Variants in SFXN5 observed in about 807,000 individuals in gnomAD.
SFXN5 encodes the protein sideroflexin 5.
In SFXN5, 43 loss-of-function variants were observed where a neutral mutation model predicts 50.2. The ratio of observed to expected loss-of-function variants is 0.86; its 90% CI spans 0.67 to 1.11. The LOEUF is 1.11. Ranked by LOEUF, SFXN5 falls within the 50% of genes least tolerant of loss-of-function variation. The pLI, the probability that SFXN5 is intolerant of heterozygous loss-of-function variation, is 0.00. For missense variants in SFXN5, 463 were observed against 454.1 expected, an observed-to-expected ratio of 1.02 and a Z score of -0.18; for synonymous variants, 203 against 185.8, an observed-to-expected ratio of 1.09 and a Z score of -0.75.
chr2:72,977,046 A>C (rs1309572232), intron 10 of SFXN5, among the ~76,000 whole-genome samples: 4 of 152,162 alleles, frequency 2.6e-5, no homozygotes, highest in Non-Finnish European at 4.4e-5. Context: ...ATTCCAGACA[A>C]CCAGGAATGT....
chr2:72,967,127 C>G (rs1674510374), intron 12 of SFXN5: 1 of 152,230 alleles, frequency 6.6e-6, no homozygotes, highest in African/African-American at 2.4e-5. Context: ...CTTTGCCTTC[C>G]TCTCCTCAGC....
At position 72,992,778 on chromosome 2, in the gene SFXN5, G is replaced by A. The variant is rs1226264886; in HGVS notation, c.535-4430C>T. On this transcript the variant is annotated intron_variant, in intron 9 of 13. Coordinates refer to ENST00000272433, the MANE Select transcript of SFXN5 (RefSeq NM_144579.3). This position sits in a 1 kb window ranked among gnomAD's most constrained non-coding sequence, Gnocchi z 4.5. The stretch of plus-strand genomic sequence containing the variant: ...TTTCCACTCTTGCCCCCATCCATCT[G>A]CTCTCTACAGCAGTCGGAGTGAAGT... Among the ~76,000 whole-genome samples the A allele has an allele frequency of 6.6e-6, 1 of 152,220 alleles. No homozygotes were observed. The highest frequency in any genetic ancestry group is 6.5e-5 in the Admixed American group (1 of 15,288).
Position 72,945,128 on chromosome 2 carries a change from G to C in SFXN5, c.946-29C>G, listed in dbSNP as rs762785651. The C allele has an allele frequency of 1.4e-5, 23 of 1,604,012 alleles. No homozygotes were observed. The highest frequency in any genetic ancestry group is 3.3e-5 in the South Asian group (3 of 90,294). On this transcript the variant is annotated intron_variant, in intron 13 of 13. Coordinates refer to ENST00000272433, the MANE Select transcript of SFXN5 (RefSeq NM_144579.3). The surrounding 1 kb of genome is among the most constrained non-coding windows in gnomAD (Gnocchi z 5.8). Reference sequence around the variant, plus strand: ...TGGAGAGAGAACAGAGAGGAAAAGTGGGGGAGTGGGAAGGGGCAAATAGTG... The same window carrying C: ...TGGAGAGAGAACAGAGAGGAAAAGTCGGGGAGTGGGAAGGGGCAAATAGTG...
chr2:73,050,761 A>C (rs1461727952), intron 2 of SFXN5, among the ~76,000 whole-genome samples: 1 of 152,166 alleles, frequency 6.6e-6, no homozygotes, highest in Non-Finnish European at 1.5e-5. Context: ...CTCCTTATCA[A>C]ATGGTCACTT....
At chr2:72,967,995 T>C (rs999839404) in intron 12 of SFXN5, among the ~76,000 whole-genome samples, 1 of 152,134 alleles carries the variant, frequency 6.6e-6, no homozygotes, top group Non-Finnish European at 1.5e-5. Flanking sequence ...TGAGGCTCAG[T>C]AAGGTGGTGA....
intron 2 of SFXN5, among the ~76,000 whole-genome samples, chr2:73,052,847 C>T (rs967970628): frequency 2.0e-5 from 3 of 152,206 alleles, no homozygotes; most frequent in African/African-American, 7.2e-5. Context: ...ATTCTGCACA[C>T]ACTGCACCCT....
intron 13 of SFXN5, among the ~76,000 whole-genome samples, chr2:72,947,837 C>CA (rs963865666): frequency 1.3e-5 from 2 of 150,188 alleles, no homozygotes; most frequent in Non-Finnish European, 3.0e-5. Context: ...CTGCCACCCC[C>CA]AGTCCCCTCC....
chr2:73,059,199 C>A (rs1277100781), intron 1 of SFXN5: 17 of 986,038 alleles, frequency 1.7e-5, no homozygotes, highest in Non-Finnish European at 2.0e-5. Flanking sequence ...AAAAGGAGGG[C>A]TTTATGCTAA....
rs569937691 is a variant in SFXN5, at chr2:72,948,679, G to A, written c.946-3580C>T. Among the ~76,000 whole-genome samples, 97 of 152,284 alleles carry A rather than the reference G, an allele frequency of 6.4e-4. 1 individual carries two copies. The highest frequency in any genetic ancestry group is 1.4e-3 in the South Asian group (7 of 4,828). On this transcript the variant is annotated intron_variant, in intron 13 of 13. Transcript: ENST00000272433. ...CGAGGCCTCCTCCTCCTGGCACCCC[G>A]TCTCCCATGGGCTCCCCGCCACACA... is the stretch of plus-strand genomic sequence containing the variant.
intron 1 of SFXN5, among the ~76,000 whole-genome samples, chr2:73,066,522 C>T (rs904616088): frequency 1.3e-5 from 2 of 151,316 alleles, no homozygotes; most frequent in African/African-American, 4.9e-5. Flanking sequence ...CATGCCACTG[C>T]ACTCCAGCCT....
chr2:73,029,544 G>A (rs1678033020), intron 3 of SFXN5, among the ~76,000 whole-genome samples: 1 of 152,110 alleles, frequency 6.6e-6, no homozygotes, highest in African/African-American at 2.4e-5. Flanking sequence ...GCATCTCAGA[G>A]AGACTAAGTG....
In SFXN5 at chr2:72,953,091, G is replaced by A. The variant is rs1672712524; in HGVS notation, c.946-7992C>T. Among the ~76,000 whole-genome samples the A allele has an allele frequency of 6.6e-6, 1 of 152,194 alleles. No individual in the cohort carries two copies. Among genetic ancestry groups the A allele is most frequent in the Non-Finnish European group, 1.5e-5 (1 of 68,048 alleles). On this transcript the variant is annotated intron_variant, in intron 13 of 13. Coordinates refer to ENST00000272433, the MANE Select transcript of SFXN5 (RefSeq NM_144579.3). The surrounding 1 kb of genome is among the most constrained non-coding windows in gnomAD (Gnocchi z 4.1). ...TGTGTACATGTTCTTGCGTGCACGT[G>A]TATGTGTGCGAGCCTGTGTGCACGC...
chr2:72,986,077 A>C (rs986550676), intron 10 of SFXN5, among the ~76,000 whole-genome samples: 2 of 152,246 alleles, frequency 1.3e-5, no homozygotes, highest in Non-Finnish European at 2.9e-5. Context: ...AATGGCCGGG[A>C]ACACCAGTTG....
intron 3 of SFXN5, among the ~76,000 whole-genome samples, chr2:73,034,572 G>A (rs1008026938): frequency 9.2e-5 from 14 of 152,040 alleles, no homozygotes; most frequent in African/African-American, 3.4e-4. Context: ...TCATTACCCT[G>A]GGTGCAGGGT....
At chr2:73,004,008 A>G (rs1295991560) in intron 6 of SFXN5, among the ~76,000 whole-genome samples, 2 of 152,226 alleles carry the variant, frequency 1.3e-5, no homozygotes, top group Non-Finnish European at 2.9e-5. Context: ...CATAATCCTC[A>G]TACTAACCCT....
rs147089045 is a variant in SFXN5 at position 72,988,989 on chromosome 2, C to T, written c.535-641G>A. On this transcript the variant is annotated intron_variant, in intron 9 of 13. Coordinates refer to ENST00000272433, the MANE Select transcript of SFXN5 (RefSeq NM_144579.3). ...CACCCCAGCCCCTGCCTGGGGTCTT[C>T]GTCACTCCAGTCCATCTCCTAGGCT... Among the ~76,000 whole-genome samples the T allele has an allele frequency of 1.5e-3, 229 of 152,322 alleles. 1 individual carries two copies. Among genetic ancestry groups the T allele is most frequent in the African/African-American group, 5.1e-3 (213 of 41,576 alleles).
intron 6 of SFXN5, among the ~76,000 whole-genome samples, chr2:73,008,911 C>T (rs967879598): frequency 6.6e-6 from 1 of 152,138 alleles, no homozygotes; most frequent in East Asian, 1.9e-4. Context: ...AAAACCAGCT[C>T]GTTTCTCCTG....
rs1682461590 is a variant in SFXN5, at chr2:73,058,707, C to A, written c.103-111G>T. The A allele has an allele frequency of 8.5e-6, 8 of 941,858 alleles. No individual in the cohort carries two copies. In the Admixed American group the frequency reaches 1.3e-4, roughly 15 times the overall value. The allele number at this position is 941,858 out of a possible 1,614,324, so 58.3% of individuals were successfully genotyped here. On this transcript the variant is annotated intron_variant, in intron 1 of 13. Transcript: ENST00000272433. ...TTGGGGTCCCCCGGTCCCCAGGACT[C>A]CTCGTGTGGGTGATAAATGCCAATG...
intron 9 of SFXN5, among the ~76,000 whole-genome samples, chr2:72,995,941 G>A (rs1479306918): frequency 6.6e-6 from 1 of 152,206 alleles, no homozygotes; most frequent in Admixed American, 6.5e-5. Flanking sequence ...GAGGGACGCC[G>A]CCACCACTAG....
Sources: gnomAD v4.1 joint callset for allele counts (sites outside exome capture counted in the v4.1 genomes callset) on GRCh38, gnomAD v4.1.1 for gene constraint, Gnocchi (gnomAD v3.1) non-coding constraint, MANE v1.5 for transcripts, NCBI Gene and HGNC (gene_info 2026-07-23, HGNC 2026-07-21) for gene names.